XKR7: variants seen among roughly 807,000 people sequenced by gnomAD.
XKR7 encodes the protein XK-related protein 7.
XKR7 carries 11 observed loss-of-function variants against 42.2 expected under a neutral mutation model. The observed-to-expected ratio is 0.26, with a 90% confidence interval of 0.16 to 0.43. The LOEUF (loss-of-function observed/expected upper bound fraction) is 0.43. XKR7 is among the 20% of genes least tolerant of loss of function. The pLI is 1.00. For missense variants in XKR7, 710 were observed against 802.2 expected, an observed-to-expected ratio of 0.89 and a Z score of 1.39; for synonymous variants, 346 against 366.4, an observed-to-expected ratio of 0.94 and a Z score of 0.64.
chr20:31,992,338 G>A (rs186670340), intron 1 of XKR7, among the ~76,000 whole-genome samples: 164 of 152,276 alleles, frequency 1.1e-3, no homozygotes, highest in African/African-American at 3.6e-3. Flanking sequence ...CCTTATGTGT[G>A]GGGTAAGCAG....
intron 1 of XKR7, among the ~76,000 whole-genome samples, chr20:31,994,177 G>T (rs1600662888): frequency 6.6e-6 from 1 of 152,192 alleles, no homozygotes; most frequent in Non-Finnish European, 1.5e-5. Flanking sequence ...AAGGGAACAG[G>T]CCAGGGAGCT....
In XKR7 at chr20:31,997,192, G is replaced by C; in HGVS notation, c.1475G>C (p.Arg492Pro). The change falls in exon 3 of 3, where the codon CGT becomes CCT. Residue 492 changes from arginine to proline, a missense_variant. Physicochemically the swap from Arg to Pro is moderately radical, Grantham distance 103. This residue lies in a region of XKR7 where 708 missense variants were observed against 786.2 expected (regional missense o/e 0.90). Transcript: ENST00000562532. ...CGGGATGGGGCCTCGGCGGGAGAGC[G>C]TGCAGGGACCCCCACCCCACCTGTC... ...AERDGASAGE[R>P]AGTPTPPVFQ... is the part of the protein sequence containing the mutation. 1 of 1,609,934 alleles carries C rather than the reference G, an allele frequency of 6.2e-7. No homozygotes were observed. Among genetic ancestry groups the C allele is most frequent in the Non-Finnish European group, 8.5e-7 (1 of 1,179,898 alleles).
At chr20:31,984,214 T>C (rs1317223133) in intron 1 of XKR7, among the ~76,000 whole-genome samples, 1 of 151,510 alleles carries the variant, frequency 6.6e-6, no homozygotes, top group Non-Finnish European at 1.5e-5. Context: ...TGAGCCAAGA[T>C]CATGCCACTG....
Position 32,001,947 on chromosome 20 carries a change from G to A in XKR7, c.*4490G>A, listed in dbSNP as rs186403947. The A allele has an allele frequency of 1.3e-5, 2 of 152,356 alleles. No individual in the cohort carries two copies. The highest frequency in any genetic ancestry group is 1.3e-4 in the Admixed American group (2 of 15,298). The allele number at this position is 152,356 out of a possible 1,614,324, so 9.4% of individuals were successfully genotyped here. ...TGTCAAGCCGCATGGGCAGTAGTAGGGTTGGGGTTTGAGCCCCCTTCCCAA... is the reference window on the plus strand; with the variant it reads ...TGTCAAGCCGCATGGGCAGTAGTAGAGTTGGGGTTTGAGCCCCCTTCCCAA... On this transcript the variant is annotated 3_prime_UTR_variant, in exon 3 of 3. Coordinates refer to ENST00000562532, the MANE Select transcript of XKR7 (RefSeq NM_001011718.2).
intron 1 of XKR7, among the ~76,000 whole-genome samples, chr20:31,975,599 T>C (rs1215990852): frequency 6.6e-6 from 1 of 151,616 alleles, no homozygotes; most frequent in East Asian, 1.9e-4. Context: ...TGTTCTAAAG[T>C]GGAAAATGTT....
At chr20:31,994,288 T>G (rs2064581573) in intron 1 of XKR7, among the ~76,000 whole-genome samples, 1 of 152,162 alleles carries the variant, frequency 6.6e-6, no homozygotes, top group African/African-American at 2.4e-5. Context: ...TCAGAGGCAG[T>G]GTTGTCTAAT....
chr20:31,983,666 G>A (rs1432564839), intron 1 of XKR7, among the ~76,000 whole-genome samples: 1 of 152,134 alleles, frequency 6.6e-6, no homozygotes, highest in East Asian at 1.9e-4. Flanking sequence ...AGTAGTGGGG[G>A]CCGGGCACGG....
chr20:31,987,540 A>G (rs2064548421), intron 1 of XKR7, among the ~76,000 whole-genome samples: 1 of 151,718 alleles, frequency 6.6e-6, no homozygotes, highest in Non-Finnish European at 1.5e-5. Flanking sequence ...AAACAGACCC[A>G]GCATCCAAGA....
At position 32,003,264 on chromosome 20, in the gene XKR7, G is replaced by T. The variant is rs896866513; in HGVS notation, c.*5807G>T. 2 of 152,240 alleles carry T rather than the reference G, an allele frequency of 1.3e-5. No homozygotes were observed. Among genetic ancestry groups the T allele is most frequent in the Non-Finnish European group, 1.5e-5 (1 of 68,048 alleles). 9.4% of individuals were successfully genotyped at this position (152,240 alleles called of 1,614,324 possible). A position where few individuals can be genotyped will look rare whatever the true frequency, so the allele number is the denominator to read the frequency against. ...TTCACCCTCCGAGCTTCCCCCAGGA[G>T]GGGGAGGGGGAGGGGGCCCCGAGCT... is the stretch of plus-strand genomic sequence containing the variant. On this transcript the variant is annotated 3_prime_UTR_variant, in exon 3 of 3. Coordinates refer to ENST00000562532, the MANE Select transcript of XKR7 (RefSeq NM_001011718.2).
At chr20:31,971,464 G>C (rs926339584) in intron 1 of XKR7, among the ~76,000 whole-genome samples, 2 of 152,208 alleles carry the variant, frequency 1.3e-5, no homozygotes, top group African/African-American at 4.8e-5. Context: ...CTAAGGGCCT[G>C]GATAAATGGA....
chr20:31,974,744 T>C (rs1395653623), intron 1 of XKR7, among the ~76,000 whole-genome samples: 4 of 152,208 alleles, frequency 2.6e-5, no homozygotes, highest in South Asian at 4.1e-4. Flanking sequence ...TTTTATGACA[T>C]GTCTAAGATT....
chr20:31,983,454 T>G (rs1177890969), intron 1 of XKR7, among the ~76,000 whole-genome samples: 1 of 152,092 alleles, frequency 6.6e-6, no homozygotes, highest in Admixed American at 6.6e-5. Context: ...GACATTGAGC[T>G]GAGATGGGAG....
At chr20:31,987,248 A>G (rs1407199219) in intron 1 of XKR7, among the ~76,000 whole-genome samples, 1 of 149,554 alleles carries the variant, frequency 6.7e-6, no homozygotes, top group African/African-American at 2.5e-5. Flanking sequence ...ACACAGACAG[A>G]CAAACAGACC....
At chr20:31,974,635 T>C (rs140397939) in intron 1 of XKR7, among the ~76,000 whole-genome samples, 1 of 150,774 alleles carries the variant, frequency 6.6e-6, no homozygotes, top group Non-Finnish European at 1.5e-5. Context: ...TTAGACATTG[T>C]TATTTGTAAA....
intron 2 of XKR7, 22 bp from the exon 3 acceptor site, chr20:31,996,483 C>G: frequency 1.1e-6 from 1 of 945,732 alleles, no homozygotes; most frequent in Non-Finnish European, 1.4e-6. Context: ...CAGCCCACCC[C>G]GCCCCTGCCC....
chr20:31,972,626 T>C (rs2064469964), intron 1 of XKR7, among the ~76,000 whole-genome samples: 1 of 152,162 alleles, frequency 6.6e-6, no homozygotes, highest in Admixed American at 6.5e-5. Context: ...TTGAGCTCAG[T>C]GGGCCCCAGC....
Position 32,001,597 on chromosome 20 carries a change from A to C in XKR7, c.*4140A>C, listed in dbSNP as rs895970821. 1 of 152,174 alleles carries C rather than the reference A, an allele frequency of 6.6e-6. No homozygotes were observed. The highest frequency in any genetic ancestry group is 1.5e-5 in the Non-Finnish European group (1 of 68,046). The allele number at this position is 152,174 out of a possible 1,614,324, so 9.4% of individuals were successfully genotyped here. ...CTGAAAAGGGAAATCTGGGGGGTCC[A>C]CAGGGTCCCTGGTTTGGGAATCATC... On this transcript the variant is annotated 3_prime_UTR_variant, in exon 3 of 3. Transcript: ENST00000562532.
intron 1 of XKR7, among the ~76,000 whole-genome samples, chr20:31,982,020 G>T (rs1165325779): frequency 6.6e-6 from 1 of 152,186 alleles, no homozygotes; most frequent in Non-Finnish European, 1.5e-5. Flanking sequence ...CAATAGCACT[G>T]CCATCCACAG....
intron 1 of XKR7, among the ~76,000 whole-genome samples, chr20:31,975,217 C>T (rs955807380): frequency 6.6e-6 from 1 of 152,122 alleles, no homozygotes; most frequent in Non-Finnish European, 1.5e-5. Flanking sequence ...TATCAGCCTC[C>T]GGTTATCACC....
Sources: gnomAD v4.1 joint callset for allele counts (sites outside exome capture counted in the v4.1 genomes callset) on GRCh38, gnomAD v4.1.1 for gene constraint, gnomAD v4.1.1 regional missense constraint, MANE v1.5 for transcripts, NCBI Gene and HGNC (gene_info 2026-07-23, HGNC 2026-07-21) for gene names.